LUZP2: variants seen among roughly 807,000 people sequenced by gnomAD.
LUZP2 encodes leucine zipper protein 2.
In LUZP2, 52 loss-of-function variants were observed where a neutral mutation model predicts 51.6. The ratio of observed to expected loss-of-function variants is 1.01; its 90% CI spans 0.81 to 1.27. The LOEUF (loss-of-function observed/expected upper bound fraction) is 1.27, where lower values mean the gene tolerates loss of function less well. Among genes scored for constraint, LUZP2 ranks in the 50% most tolerant of loss-of-function variants. The pLI is 0.00. For synonymous variants in LUZP2, 154 were observed against 137.3 expected (o/e 1.12, Z -0.85); for missense variants, 436 against 395.4 (o/e 1.10, Z -0.87).
At chr11:24,690,391 A>G (rs936090556) in intron 1 of LUZP2, among the ~76,000 whole-genome samples, 6 of 152,126 alleles carry the variant, frequency 3.9e-5, no homozygotes, top group Non-Finnish European at 8.8e-5. Flanking sequence ...AGCTCATAGA[A>G]GGTGATTTCC....
chr11:24,957,319 G>T (rs1370703486), intron 7 of LUZP2, among the ~76,000 whole-genome samples: 1 of 152,028 alleles, frequency 6.6e-6, no homozygotes, highest in East Asian at 1.9e-4. Flanking sequence ...ATTGAATCAG[G>T]TTAGTTGACA....
At chr11:24,947,689 T>G (rs1331866577) in intron 7 of LUZP2, among the ~76,000 whole-genome samples, 2 of 151,866 alleles carry the variant, frequency 1.3e-5, no homozygotes, top group African/African-American at 4.8e-5. Context: ...TGGTAATACC[T>G]TTTCTTTGGC....
chr11:24,719,614 CG>C (rs1858186533), intron 1 of LUZP2, among the ~76,000 whole-genome samples: 1 of 152,102 alleles, frequency 6.6e-6, no homozygotes, highest in South Asian at 2.1e-4. Flanking sequence ...CAAATATGCC[CG>C]TAACTATTCT....
chr11:24,915,671 TA>T lies in LUZP2; in HGVS notation c.522+1134del, dbSNP rs1362988285. 4.2e-3 allele frequency among the ~76,000 whole-genome samples: 627 copies of T among 150,366 alleles called. 2 individuals are homozygous for T. The highest frequency in any genetic ancestry group is 0.014 in the African/African-American group (582 of 40,910). ...GATAGACAGATAGATAGATAGATGA[TA>T]GATAGATAGATGGATAGATAGATAG... is the stretch of plus-strand genomic sequence containing the variant. On this transcript the variant is annotated intron_variant, in intron 7 of 11. Transcript: ENST00000336930.
intron 1 of LUZP2, among the ~76,000 whole-genome samples, chr11:24,538,598 C>T (rs557890447): frequency 2.0e-5 from 3 of 151,388 alleles, no homozygotes; most frequent in Non-Finnish European, 4.4e-5. Context: ...AAAATTTCTA[C>T]AAAACTATTC....
At chr11:24,970,699 C>G (rs1036907262) in intron 7 of LUZP2, among the ~76,000 whole-genome samples, 12 of 152,146 alleles carry the variant, frequency 7.9e-5, no homozygotes, top group Admixed American at 2.6e-4. Context: ...TTCATGTTTC[C>G]CAGAAGAAAA....
chr11:24,574,440 T>C (rs999900691), intron 1 of LUZP2, among the ~76,000 whole-genome samples: 1 of 151,008 alleles, frequency 6.6e-6, no homozygotes, highest in African/African-American at 2.4e-5. Flanking sequence ...TGTTAGTTAG[T>C]ATATTTGTGT....
intron 5 of LUZP2, among the ~76,000 whole-genome samples, chr11:24,800,070 C>G (rs1378919293): frequency 2.0e-5 from 3 of 152,234 alleles, no homozygotes; most frequent in Admixed American, 2.0e-4. Flanking sequence ...TTCAGCAGCT[C>G]TCTCGGTCCT....
At chr11:24,659,878 G>A (rs112507803) in intron 1 of LUZP2, among the ~76,000 whole-genome samples, 1 of 152,070 alleles carries the variant, frequency 6.6e-6, no homozygotes, top group Non-Finnish European at 1.5e-5. Flanking sequence ...GAAATATGAT[G>A]AATGTCATTC....
At chr11:25,044,552 G>C (rs1590870837) in intron 9 of LUZP2, among the ~76,000 whole-genome samples, 2 of 151,858 alleles carry the variant, frequency 1.3e-5, no homozygotes. Context: ...TTATACTTTT[G>C]TGCTCACACT....
At chr11:24,581,502 C>G (rs908227430) in intron 1 of LUZP2, among the ~76,000 whole-genome samples, 2 of 149,564 alleles carry the variant, frequency 1.3e-5, no homozygotes, top group Non-Finnish European at 3.0e-5. Context: ...GAAATCCCAT[C>G]TGGACTAAAA....
intron 5 of LUZP2, among the ~76,000 whole-genome samples, chr11:24,903,243 A>G (rs768744021): frequency 6.6e-6 from 1 of 152,192 alleles, no homozygotes; most frequent in Non-Finnish European, 1.5e-5. Context: ...TTAAAAAAAG[A>G]ACCCTAATAT....
At chr11:24,769,392 G>A (rs75936758) in intron 5 of LUZP2, among the ~76,000 whole-genome samples, 12,215 of 152,164 alleles carry the variant, frequency 0.08, 1,064 homozygotes, top group African/African-American at 0.22. Context: ...GATTTTGAAT[G>A]TTCTCACCAC....
At chr11:24,642,441 G>C (rs1855322540) in intron 1 of LUZP2, among the ~76,000 whole-genome samples, 1 of 151,442 alleles carries the variant, frequency 6.6e-6, no homozygotes. Context: ...ATTATCCTTT[G>C]TTCTACATGT....
At chr11:24,640,125 A>C (rs1316730816) in intron 1 of LUZP2, among the ~76,000 whole-genome samples, 1 of 151,844 alleles carries the variant, frequency 6.6e-6, no homozygotes, top group Non-Finnish European at 1.5e-5. Context: ...GATGATTCCC[A>C]AGTCCTTGAG....
At chr11:25,001,272 G>A (rs1036003740) in intron 9 of LUZP2, among the ~76,000 whole-genome samples, 1 of 152,164 alleles carries the variant, frequency 6.6e-6, no homozygotes, top group Non-Finnish European at 1.5e-5. Flanking sequence ...AGTGCAAACA[G>A]CTCACACATT....
intron 1 of LUZP2, among the ~76,000 whole-genome samples, chr11:24,599,485 G>C (rs895181036): frequency 6.6e-6 from 1 of 152,198 alleles, no homozygotes; most frequent in Non-Finnish European, 1.5e-5. Flanking sequence ...GACAACCCTT[G>C]TATGTATCCT....
intron 7 of LUZP2, among the ~76,000 whole-genome samples, chr11:24,966,643 A>G (rs1855590211): frequency 6.7e-6 from 1 of 148,214 alleles, no homozygotes; most frequent in African/African-American, 2.4e-5. Flanking sequence ...TATATTATAT[A>G]TAAGATATAT....
At chr11:24,626,856 G>T (rs1349861072) in intron 1 of LUZP2, among the ~76,000 whole-genome samples, 1 of 152,028 alleles carries the variant, frequency 6.6e-6, no homozygotes, top group Non-Finnish European at 1.5e-5. Flanking sequence ...AAAAAATCAA[G>T]TCTTGCTTCA....
Sources: allele counts gnomAD v4.1 joint callset (sites outside exome capture counted in the v4.1 genomes callset), GRCh38; gene constraint gnomAD v4.1.1; transcripts MANE v1.5; gene names NCBI Gene and HGNC (gene_info 2026-07-23, HGNC 2026-07-21).